The following HERC1 variants were observed in gnomAD, a reference collection of about 807,000 sequenced individuals.
HERC1 encodes probable E3 ubiquitin-protein ligase HERC1.
In HERC1, 160 loss-of-function variants were observed where a neutral mutation model predicts 554.3. That is an observed-to-expected ratio of 0.29 (90% CI 0.25 to 0.33). HERC1 has a LOEUF of 0.33. Among genes scored for constraint, HERC1 ranks in the 10% least tolerant of loss-of-function variants. The probability of loss-of-function intolerance (pLI) is 1.00; values close to 1 mark genes in which losing one functional copy is unlikely to be tolerated. For missense variants in HERC1, 4,919 were observed against 5,918.5 expected (o/e 0.83, Z 5.54); for synonymous variants, 2,175 against 2,131.7 (o/e 1.02, Z -0.56).
At chr15:63,829,499 TAC>T (rs59580148) in intron 1 of HERC1, among the ~76,000 whole-genome samples, 2,989 of 53,308 alleles carry the variant, frequency 0.056, 171 homozygotes, top group African/African-American at 0.16. Context: ...TATATATATA[TAC>T]ACACACACAC....
At chr15:63,623,573 C>G (rs1363235753) in intron 73 of HERC1, among the ~76,000 whole-genome samples, 152 bp downstream of exon 73, 1 of 152,194 alleles carries the variant, frequency 6.6e-6, no homozygotes, top group Non-Finnish European at 1.5e-5. Flanking sequence ...TCTAATTTAC[C>G]TACGTATCAC....
intron 1 of HERC1, among the ~76,000 whole-genome samples, chr15:63,782,183 T>C (rs999635065): frequency 1.3e-5 from 2 of 152,378 alleles, no homozygotes; most frequent in Non-Finnish European, 2.9e-5. Context: ...ATTTTCAATG[T>C]GGACAAAACA....
At chr15:63,755,694 C>T (rs1400533769) in intron 5 of HERC1, among the ~76,000 whole-genome samples, 1 of 152,100 alleles carries the variant, frequency 6.6e-6, no homozygotes, top group African/African-American at 2.4e-5. Flanking sequence ...TTGGGAGGAC[C>T]ACCTGAGCCC....
At position 63,612,621 on chromosome 15, in the gene HERC1, G is replaced by A; in HGVS notation, c.14095-65C>T. On this transcript the variant is annotated intron_variant, in intron 76 of 77. Transcript: ENST00000443617. This position sits in a 1 kb window ranked among gnomAD's most constrained non-coding sequence, Gnocchi z 5.0. ...GAACCTGGCACCCACCAAGGGCCCT[G>A]TGGGGCTAGGCGCCTCCTGATGCCT... 6.6e-7 allele frequency: 1 copy of A among 1,517,960 alleles called. No individual in the cohort carries two copies. The allele number at this position is 1,517,960 out of a possible 1,614,324, so 94.0% of individuals were successfully genotyped here.
At chr15:63,729,209 A>T in intron 16 of HERC1, 27 bp downstream of exon 16, 1 of 1,577,234 alleles carries the variant, frequency 6.3e-7, no homozygotes, top group Non-Finnish European at 8.6e-7. Context: ...ATGACTGATT[A>T]AATTTGAAAT....
At chr15:63,685,319 G>A (rs1396515636) in intron 34 of HERC1, among the ~76,000 whole-genome samples, 1 of 152,226 alleles carries the variant, frequency 6.6e-6, no homozygotes, top group Non-Finnish European at 1.5e-5. Flanking sequence ...GCCCCATGGG[G>A]GCAGGTCACA....
intron 12 of HERC1, among the ~76,000 whole-genome samples, chr15:63,735,233 G>C (rs533129515): frequency 2.0e-5 from 3 of 152,130 alleles, no homozygotes; most frequent in Admixed American, 2.0e-4. Flanking sequence ...AGTCACATAG[G>C]GAAAGTAAAA....
chr15:63,826,843 A>ATATATATATATATG (rs71447354), intron 1 of HERC1, among the ~76,000 whole-genome samples: 1 of 119,622 alleles, frequency 8.4e-6, no homozygotes, highest in African/African-American at 2.9e-5. Context: ...ATATATATAT[A>ATATATATATATATG]AAGTATGACA....
intron 1 of HERC1, among the ~76,000 whole-genome samples, chr15:63,803,891 G>C (rs186746867): frequency 5.3e-4 from 81 of 152,152 alleles, no homozygotes; most frequent in Non-Finnish European, 8.5e-4. Flanking sequence ...CTAGTAACTA[G>C]TAATCAAGAC....
At chr15:63,806,525 A>G (rs1045394674) in intron 1 of HERC1, among the ~76,000 whole-genome samples, 7 of 151,452 alleles carry the variant, frequency 4.6e-5, no homozygotes, top group African/African-American at 9.7e-5. Context: ...TGCTCCATCC[A>G]CCCCACAACC....
At chr15:63,724,674 T>C (rs548305555) in intron 18 of HERC1, among the ~76,000 whole-genome samples, 1 of 152,118 alleles carries the variant, frequency 6.6e-6, no homozygotes, top group African/African-American at 2.4e-5. Context: ...GAATCAAAAT[T>C]AGAAGCCTAG....
Position 63,677,802 on chromosome 15 carries a change from A to G in HERC1, c.7070+43T>C, listed in dbSNP as rs918107777. The G allele has an allele frequency of 2.5e-6, 4 of 1,573,460 alleles. No homozygotes were observed. In the Admixed American group the frequency reaches 7.1e-5, roughly 28 times the overall value. On this transcript the variant is annotated intron_variant, in intron 37 of 77. Coordinates refer to ENST00000443617, the MANE Select transcript of HERC1 (RefSeq NM_003922.4). The surrounding 1 kb of genome is among the most constrained non-coding windows in gnomAD (Gnocchi z 4.4). ...TCGACAGGCAATGGCCTATTTCACCATTAAATATTTGTTTGCTAAAAGTGT... is the reference window on the plus strand; with the variant it reads ...TCGACAGGCAATGGCCTATTTCACCGTTAAATATTTGTTTGCTAAAAGTGT...
At position 63,830,954 on chromosome 15, in the gene HERC1, A is replaced by T. The variant is rs75604699; in HGVS notation, c.-27+2873T>A. On this transcript the variant is annotated intron_variant, in intron 1 of 77. Transcript: ENST00000443617. ...TTGTAGTTAAAGAAAATGCTAGCAG[A>T]TGTGACCTTCCTGGCTTTGCAAACT... Among the ~76,000 whole-genome samples the T allele has an allele frequency of 4.2e-3, 634 of 152,354 alleles. 8 individuals carry two copies. Among genetic ancestry groups the T allele is most frequent in the African/African-American group, 0.015 (608 of 41,586 alleles).
At position 63,749,819 on chromosome 15, in the gene HERC1, T is replaced by G. The variant is rs917987056; in HGVS notation, c.1903-28A>C. The stretch of plus-strand genomic sequence containing the variant: ...GAAAAAAACAGAAATACGTTACACA[T>G]AACTTCCTGAGATGATTAGATTGTT... On this transcript the variant is annotated intron_variant, in intron 8 of 77. Coordinates refer to ENST00000443617, the MANE Select transcript of HERC1 (RefSeq NM_003922.4). The surrounding 1 kb of genome is among the most constrained non-coding windows in gnomAD (Gnocchi z 4.1). 2 of 1,513,558 alleles carry G rather than the reference T, an allele frequency of 1.3e-6. No individual in the cohort carries two copies. The highest frequency in any genetic ancestry group is 1.8e-6 in the Non-Finnish European group (2 of 1,129,444). The allele number at this position is 1,513,558 out of a possible 1,614,324, so 93.8% of individuals were successfully genotyped here. A position where few individuals can be genotyped will look rare whatever the true frequency, so the allele number is the denominator to read the frequency against.
intron 31 of HERC1, among the ~76,000 whole-genome samples, chr15:63,691,385 G>A (rs1411205477): frequency 6.6e-6 from 1 of 152,038 alleles, no homozygotes; most frequent in African/African-American, 2.4e-5. Context: ...AGGATCACTT[G>A]AGCCTGGAAG....
intron 24 of HERC1, among the ~76,000 whole-genome samples, chr15:63,712,426 G>T (rs764639423): frequency 2.0e-5 from 3 of 152,228 alleles, no homozygotes; most frequent in Non-Finnish European, 2.9e-5. Flanking sequence ...TGCTTGGATA[G>T]TTAATGTACC....
At chr15:63,804,584 C>CAAA (rs934481150) in intron 1 of HERC1, among the ~76,000 whole-genome samples, 1 of 122,242 alleles carries the variant, frequency 8.2e-6, no homozygotes. Flanking sequence ...AAAACTGTCT[C>CAAA]AAAAAAAAAA....
Position 63,609,205 on chromosome 15 carries a change from G to C in HERC1, c.14462C>G (p.Ser4821Cys), listed in dbSNP as rs1363470380. 9 of 1,613,684 alleles carry C rather than the reference G, an allele frequency of 5.6e-6. No homozygotes were observed. Among genetic ancestry groups the C allele is most frequent in the Non-Finnish European group, 7.6e-6 (9 of 1,179,808 alleles). The change falls in exon 78 of 78, where the codon TCC becomes TGC. Residue 4821 changes from serine (S) to cysteine (C), a missense_variant. Physicochemically the swap from Ser to Cys is moderately radical, Grantham distance 112. Coordinates refer to ENST00000443617, the MANE Select transcript of HERC1 (RefSeq NM_003922.4). Reference sequence around the variant, plus strand: ...GCGCTCGGCCATGACCAGCTGGCTGGAGTACGGGGGCAGCCTCAGCTGGAA... The same window carrying C: ...GCGCTCGGCCATGACCAGCTGGCTGCAGTACGGGGGCAGCCTCAGCTGGAA... ...CFFQLRLPPY[S>C]SQLVMAERLR...
intron 2 of HERC1, among the ~76,000 whole-genome samples, chr15:63,770,005 C>T (rs1376212151): frequency 2.6e-5 from 4 of 152,118 alleles, no homozygotes; most frequent in Non-Finnish European, 4.4e-5. Flanking sequence ...CATTTCCTTC[C>T]GTTCTGGCTG....
Sources: gnomAD v4.1 joint callset for allele counts (sites outside exome capture counted in the v4.1 genomes callset) on GRCh38, gnomAD v4.1.1 for gene constraint, Gnocchi (gnomAD v3.1) non-coding constraint, MANE v1.5 for transcripts, NCBI Gene and HGNC (gene_info 2026-07-23, HGNC 2026-07-21) for gene names.